UNC13C: variants seen among roughly 807,000 people sequenced by gnomAD.
The protein encoded by UNC13C is protein unc-13 homolog C.
A neutral mutation model predicts 245.4 loss-of-function variants in UNC13C; 174 were observed. That is an observed-to-expected ratio of 0.71 (90% confidence interval 0.63 to 0.80). The LOEUF (loss-of-function observed/expected upper bound fraction) is 0.80. Ranked by LOEUF, UNC13C falls within the 30% of genes least tolerant of loss-of-function variation. UNC13C has a pLI of 0.00. For missense variants in UNC13C, 2,829 were observed against 2,602.9 expected (o/e 1.09, Z -1.89); for synonymous variants, 992 against 895.1 (o/e 1.11, Z -1.93).
intron 24 of UNC13C, among the ~76,000 whole-genome samples, chr15:54,512,834 T>G (rs369694841): frequency 6.6e-6 from 1 of 152,318 alleles, no homozygotes; most frequent in East Asian, 1.9e-4. Context: ...GATTGGCTCC[T>G]TCCCATGTGA....
chr15:54,242,933 T>G (rs912032244), intron 7 of UNC13C, among the ~76,000 whole-genome samples: 1 of 152,184 alleles, frequency 6.6e-6, no homozygotes, highest in Admixed American at 6.5e-5. Context: ...GTCAGCCCCC[T>G]CCTCACCTTT....
intron 17 of UNC13C, among the ~76,000 whole-genome samples, chr15:54,376,150 C>G (rs997414075): frequency 6.6e-6 from 1 of 151,896 alleles, no homozygotes; most frequent in African/African-American, 2.4e-5. Flanking sequence ...TGTGTCCTTT[C>G]AAATAAATTT....
chr15:53,927,561 A>G, the UNC13C span, among the ~76,000 whole-genome samples: 1 of 152,222 alleles, frequency 6.6e-6, no homozygotes, highest in South Asian at 2.1e-4. Flanking sequence ...TTATTAGAGT[A>G]AGAATGGGAG....
At chr15:54,182,352 G>A (rs1297202189) in intron 4 of UNC13C, among the ~76,000 whole-genome samples, 4 of 152,044 alleles carry the variant, frequency 2.6e-5, no homozygotes, top group Non-Finnish European at 5.9e-5. Context: ...ATATGTGTAT[G>A]TTGAACCAAC....
intron 17 of UNC13C, among the ~76,000 whole-genome samples, chr15:54,392,472 C>T (rs1032271305): frequency 6.6e-6 from 1 of 151,770 alleles, no homozygotes; most frequent in East Asian, 1.9e-4. Context: ...TAAATTTGTG[C>T]GTAAGAAGGG....
chr15:54,437,303 T>C (rs1291704843), intron 19 of UNC13C, among the ~76,000 whole-genome samples: 4 of 151,972 alleles, frequency 2.6e-5, no homozygotes, highest in African/African-American at 9.7e-5. Context: ...GCTGGCAAGC[T>C]TTACATACAT....
At chr15:54,260,625 A>G (rs1281833323) in intron 8 of UNC13C, among the ~76,000 whole-genome samples, 1 of 148,402 alleles carries the variant, frequency 6.7e-6, no homozygotes, top group African/African-American at 2.4e-5. Flanking sequence ...GTATATACAT[A>G]CACACACCTG....
intron 2 of UNC13C, among the ~76,000 whole-genome samples, chr15:54,102,146 G>A (rs1016381976): frequency 4.6e-5 from 7 of 150,724 alleles, no homozygotes; most frequent in Non-Finnish European, 8.8e-5. Flanking sequence ...CACAGATTAG[G>A]CAAATTCCCA....
chr15:54,115,100 T>G (rs980080933), intron 2 of UNC13C, among the ~76,000 whole-genome samples: 3 of 152,112 alleles, frequency 2.0e-5, no homozygotes, highest in Non-Finnish European at 2.9e-5. Context: ...TATTTTTTAA[T>G]TTTATGATAT....
chr15:54,443,753 ATTG>A (rs1216974045), intron 19 of UNC13C, among the ~76,000 whole-genome samples: 1 of 151,826 alleles, frequency 6.6e-6, no homozygotes, highest in African/African-American at 2.4e-5. Flanking sequence ...ATTTTATTTT[ATTG>A]TTGTATGAGA....
intron 10 of UNC13C, among the ~76,000 whole-genome samples, chr15:54,290,090 C>G (rs2037257938): frequency 6.6e-6 from 1 of 152,104 alleles, no homozygotes; most frequent in Non-Finnish European, 1.5e-5. Context: ...CTTACGTAAT[C>G]TTCAACATTT....
At chr15:54,368,962 T>A (rs1310048484) in intron 17 of UNC13C, among the ~76,000 whole-genome samples, 1 of 152,130 alleles carries the variant, frequency 6.6e-6, no homozygotes, top group African/African-American at 2.4e-5. Context: ...GTTAAACAAT[T>A]GTAGATTAAT....
In UNC13C at chr15:54,337,159, G is replaced by C. The variant is rs77315232; in HGVS notation, c.4585-1202G>C. ...CCATTGGCTCTTTTGGGAGCAGGGTGGGGGGTACTCTCTACTGCTTTATTC... is the reference window on the plus strand; with the variant it reads ...CCATTGGCTCTTTTGGGAGCAGGGTCGGGGGTACTCTCTACTGCTTTATTC... On this transcript the variant is annotated intron_variant, in intron 16 of 32. Coordinates refer to ENST00000260323, the MANE Select transcript of UNC13C (RefSeq NM_001080534.3). Among the ~76,000 whole-genome samples the C allele has an allele frequency of 9.2e-3, 1,400 of 152,196 alleles. 9 individuals are homozygous for C. Among genetic ancestry groups the C allele is most frequent in the Non-Finnish European group, 0.015 (1,031 of 67,988 alleles).
At chr15:54,512,508 C>G in intron 24 of UNC13C, 1 of 377,408 alleles carries the variant, frequency 2.6e-6, no homozygotes, top group South Asian at 2.0e-5. Context: ...GAAATACTAG[C>G]TATGCACCTG....
chr15:54,184,873 C>T (rs1465542218), intron 4 of UNC13C, among the ~76,000 whole-genome samples: 2 of 152,176 alleles, frequency 1.3e-5, no homozygotes, highest in African/African-American at 2.4e-5. Context: ...AACTAGTTTA[C>T]AGTCCCACCA....
At chr15:54,454,662 C>T (rs1435548327) in intron 19 of UNC13C, among the ~76,000 whole-genome samples, 3 of 151,818 alleles carry the variant, frequency 2.0e-5, no homozygotes, top group Admixed American at 2.0e-4. Flanking sequence ...TTTACCTATT[C>T]TGAGTACCTC....
intron 15 of UNC13C, among the ~76,000 whole-genome samples, chr15:54,333,409 G>GA (rs1420381621): frequency 1.3e-5 from 2 of 151,876 alleles, no homozygotes; most frequent in Non-Finnish European, 2.9e-5. Flanking sequence ...GTTATCTTGA[G>GA]AAAATCATGA....
At chr15:53,956,809 A>G in the UNC13C span, among the ~76,000 whole-genome samples, 1 of 151,274 alleles carries the variant, frequency 6.6e-6, no homozygotes, top group East Asian at 2.0e-4. Context: ...AGAGTTGAGG[A>G]TGTCATGGAA....
chr15:54,078,350 A>G (rs1197205499), intron 2 of UNC13C, among the ~76,000 whole-genome samples: 1 of 152,186 alleles, frequency 6.6e-6, no homozygotes, highest in Non-Finnish European at 1.5e-5. Context: ...TTAGGTAGAT[A>G]CCTAGCATTA....
Sources: gnomAD v4.1 joint callset for allele counts (sites outside exome capture counted in the v4.1 genomes callset) on GRCh38, gnomAD v4.1.1 for gene constraint, MANE v1.5 for transcripts, NCBI Gene and HGNC (gene_info 2026-07-23, HGNC 2026-07-21) for gene names.